The following CTIF variants were observed in gnomAD, a reference collection of about 807,000 sequenced individuals.
CTIF encodes the protein cap binding complex dependent translation initiation factor.
In CTIF, 21 loss-of-function variants were observed where a neutral mutation model predicts 66.0. The observed-to-expected ratio is 0.32, with a 90% CI of 0.23 to 0.46. The LOEUF (loss-of-function observed/expected upper bound fraction) is 0.46. Ranked by LOEUF, CTIF falls within the 20% of genes least tolerant of loss-of-function variation. CTIF has a pLI of 1.00. For synonymous variants in CTIF, 345 were observed against 326.4 expected, an observed-to-expected ratio of 1.06 and a Z score of -0.62; for missense variants, 739 against 812.7, an observed-to-expected ratio of 0.91 and a Z score of 1.10.
intron 1 of CTIF, among the ~76,000 whole-genome samples, chr18:48,608,483 TG>T (rs893231626): frequency 2.8e-5 from 4 of 140,792 alleles, no homozygotes; most frequent in East Asian, 2.3e-4. Flanking sequence ...TCGAAAGTGG[TG>T]GGGGGGTGGG....
At chr18:48,724,999 C>T (rs1484556771) in intron 7 of CTIF, among the ~76,000 whole-genome samples, 2 of 152,228 alleles carry the variant, frequency 1.3e-5, no homozygotes, top group Admixed American at 6.5e-5. Context: ...TGACATTGAA[C>T]TCAAGAAAAG....
intron 1 of CTIF, among the ~76,000 whole-genome samples, chr18:48,615,860 G>A (rs892750484): frequency 6.6e-6 from 1 of 152,342 alleles, no homozygotes; most frequent in Admixed American, 6.5e-5. Context: ...AGGAATGGCC[G>A]AGAGGACGTG....
intron 7 of CTIF, among the ~76,000 whole-genome samples, chr18:48,735,766 C>T (rs2092496084): frequency 6.6e-6 from 1 of 152,172 alleles, no homozygotes; most frequent in Admixed American, 6.5e-5. Context: ...ACTTGAGATT[C>T]CCTTACCCAA....
In CTIF at chr18:48,619,590, G is replaced by A. The variant is rs759958507; in HGVS notation, c.25G>A (p.Ala9Thr). The change falls in exon 2 of 12, where the codon GCC (alanine) becomes ACC (threonine). Residue 9 changes from alanine (A) to threonine (T), a missense_variant. Coordinates refer to ENST00000256413, the MANE Select transcript of CTIF (RefSeq NM_014772.3). Reference protein sequence around the residue: MENSSAASASSEAGSSRSQ... With the variant: MENSSAASTSSEAGSSRSQ... ...GATGGAAAACTCCTCTGCAGCATCA[G>A]CCTCCTCGGAGGCAGGGAGCAGCCG... The A allele has an allele frequency of 1.9e-6, 3 of 1,589,158 alleles. No individual in the cohort carries two copies. Among genetic ancestry groups the A allele is most frequent in the Non-Finnish European group, 2.6e-6 (3 of 1,168,102 alleles).
At chr18:48,678,162 G>C (rs2091667826) in intron 6 of CTIF, among the ~76,000 whole-genome samples, 1 of 152,130 alleles carries the variant, frequency 6.6e-6, no homozygotes, top group Non-Finnish European at 1.5e-5. Flanking sequence ...AGGGGTGAAT[G>C]TCATTTCCTT....
intron 7 of CTIF, among the ~76,000 whole-genome samples, chr18:48,730,391 T>TGTGAGGGGCCCCTGTG (rs2092435312): frequency 1.9e-5 from 1 of 52,212 alleles, no homozygotes; most frequent in Non-Finnish European, 3.8e-5. Context: ...GGGCTCCTGC[T>TGTGAGGGGCCCCTGTG]GTGTGAGGGG....
At chr18:48,682,070 G>A (rs2091755551) in intron 6 of CTIF, among the ~76,000 whole-genome samples, 3 of 151,892 alleles carry the variant, frequency 2.0e-5, no homozygotes, top group South Asian at 2.1e-4. Flanking sequence ...ACAGGTGTGA[G>A]CCACCGTGCC....
chr18:48,799,034 G>A (rs1239996696), intron 9 of CTIF, among the ~76,000 whole-genome samples: 1 of 152,210 alleles, frequency 6.6e-6, no homozygotes, highest in East Asian at 1.9e-4. Flanking sequence ...GACAGGAGGT[G>A]GCTGGGTCAG....
chr18:48,664,504 A>G lies in CTIF; in HGVS notation c.384A>G (p.Lys128=), dbSNP rs369820321. The change falls in exon 5 of 12, where the codon AAA becomes AAG. Residue 128 remains lysine, a synonymous_variant. Transcript: ENST00000256413. ...TGGACTTCACCCAGTTCCACCGCAA[A>G]GTCCGACACACGCCCAAGCAGCCCC... ...EKLDFTQFHR[K]VRHTPKQPLP... is the part of the protein sequence containing the mutation. The G allele has an allele frequency of 5.6e-6, 9 of 1,613,296 alleles. No homozygotes were observed. In the African/African-American group the frequency reaches 1.1e-4, roughly 19 times the overall value.
chr18:48,636,978 CCTTGGGATCCAT>C (rs1365013691), intron 3 of CTIF, among the ~76,000 whole-genome samples: 3 of 152,154 alleles, frequency 2.0e-5, no homozygotes, highest in Non-Finnish European at 4.4e-5. Context: ...TGGAGAGGTG[CCTTGGGATCCAT>C]CCTTACAGTG....
intron 1 of CTIF, among the ~76,000 whole-genome samples, chr18:48,594,108 G>C (rs1397475544): frequency 6.7e-6 from 1 of 150,052 alleles, no homozygotes; most frequent in Non-Finnish European, 1.5e-5. Context: ...ATGTGCAGCA[G>C]ACAGTTTCTT....
chr18:48,663,667 C>A, intron 3 of CTIF, 85 bp from the exon 4 acceptor site: 1 of 1,281,264 alleles, frequency 7.8e-7, no homozygotes, highest in Non-Finnish European at 1.1e-6. Context: ...CACTCCAGCC[C>A]CCCAGCCCCT....
At chr18:48,831,800 C>G (rs1372584383) in intron 10 of CTIF, among the ~76,000 whole-genome samples, 1 of 152,154 alleles carries the variant, frequency 6.6e-6, no homozygotes, top group African/African-American at 2.4e-5. Context: ...TTAAAAAGTA[C>G]CAATGAGATA....
At chr18:48,675,708 GCCCCT>G (rs1433306338) in intron 6 of CTIF, among the ~76,000 whole-genome samples, 8 of 152,120 alleles carry the variant, frequency 5.3e-5, no homozygotes, top group South Asian at 2.1e-4. Context: ...CAGAGGGCCC[GCCCCT>G]CCCTGGGACC....
intron 9 of CTIF, among the ~76,000 whole-genome samples, chr18:48,815,015 G>A (rs549980109): frequency 4.6e-5 from 7 of 152,290 alleles, no homozygotes; most frequent in East Asian, 1.9e-4. Flanking sequence ...AAATGGCTTC[G>A]TGGAAAGTAC....
chr18:48,743,597 T>G (rs2092572218), intron 7 of CTIF, among the ~76,000 whole-genome samples: 1 of 152,264 alleles, frequency 6.6e-6, no homozygotes, highest in African/African-American at 2.4e-5. Flanking sequence ...ACAACTCGTT[T>G]ACAATAAATG....
In CTIF at chr18:48,571,306, G is replaced by A. The variant is rs549027678; in HGVS notation, c.-29+31994G>A. 2.6e-5 allele frequency among the ~76,000 whole-genome samples: 4 copies of A among 152,120 alleles called. No homozygotes were observed. In the East Asian group the frequency reaches 5.8e-4, roughly 22 times the overall value. Reference sequence around the variant, plus strand: ...TGAGTAGCTGGGATTACAGGCAGGCGCCACCACGCCCGGCTAATTTTTGTA... The same window carrying A: ...TGAGTAGCTGGGATTACAGGCAGGCACCACCACGCCCGGCTAATTTTTGTA... On this transcript the variant is annotated intron_variant, in intron 1 of 11. Transcript: ENST00000256413.
rs1599184830 is a variant in CTIF at position 48,861,029 on chromosome 18, A to G, written c.*1470A>G. The stretch of plus-strand genomic sequence containing the variant: ...TAGCCGCTTCCTTATTTGCTCTTTT[A>G]TTGAGGCCGGGCAGGCCCTGGGTCA... On this transcript the variant is annotated 3_prime_UTR_variant, in exon 12 of 12. Transcript: ENST00000256413. 1 of 151,996 alleles carries G rather than the reference A, an allele frequency of 6.6e-6. No homozygotes were observed. Among genetic ancestry groups the G allele is most frequent in the Non-Finnish European group, 1.5e-5 (1 of 68,040 alleles). 9.4% of individuals were successfully genotyped at this position (151,996 alleles called of 1,614,324 possible).
At chr18:48,653,051 C>T (rs1383640358) in intron 3 of CTIF, among the ~76,000 whole-genome samples, 1 of 152,150 alleles carries the variant, frequency 6.6e-6, no homozygotes, top group Non-Finnish European at 1.5e-5. Flanking sequence ...TGGAAGCATT[C>T]CCTTTGAAAA....
Sources: allele counts gnomAD v4.1 joint callset (sites outside exome capture counted in the v4.1 genomes callset), GRCh38; gene constraint gnomAD v4.1.1; transcripts MANE v1.5; gene names NCBI Gene and HGNC (gene_info 2026-07-23, HGNC 2026-07-21).